NLGN4Y: variants seen among roughly 807,000 people sequenced by gnomAD.
The protein encoded by NLGN4Y is neuroligin 4 Y-linked.
In NLGN4Y, 4 loss-of-function variants were observed where a neutral mutation model predicts 8.4. The ratio of observed to expected loss-of-function variants is 0.48; its 90% confidence interval spans 0.23 to 1.09. The LOEUF (loss-of-function observed/expected upper bound fraction) is 1.09. Ranked by LOEUF, NLGN4Y falls within the 50% of genes least tolerant of loss-of-function variation. The pLI, the probability that NLGN4Y is intolerant of heterozygous loss-of-function variation, is 0.19. For missense variants in NLGN4Y, 90 were observed against 192.3 expected, an observed-to-expected ratio of 0.47 and a Z score of 3.15; for synonymous variants, 35 against 75.6, an observed-to-expected ratio of 0.46 and a Z score of 2.78.
chrY:14,748,262 C>G, intron 4 of NLGN4Y, among the ~76,000 whole-genome samples: 1 of 33,056 alleles, frequency 3.0e-5, no homozygotes, highest in Admixed American at 2.8e-4. Context: ...CCCCTTGCCT[C>G]CTTCATTAAA....
chrY:14,633,981 A>G, intron 2 of NLGN4Y, among the ~76,000 whole-genome samples: 1 of 33,620 alleles, frequency 3.0e-5, no homozygotes, highest in Non-Finnish European at 7.3e-5. Flanking sequence ...ATGTTTAAGC[A>G]TCTCTTTCCT....
chrY:14,814,474 G>A, intron 4 of NLGN4Y, among the ~76,000 whole-genome samples: 1 of 32,935 alleles, frequency 3.0e-5, no homozygotes, highest in African/African-American at 1.2e-4. Context: ...ATTTGACAAG[G>A]AGATTAAAAA....
intron 1 of NLGN4Y, among the ~76,000 whole-genome samples, chrY:14,598,108 C>A (rs1603500972): frequency 2.8e-5 from 1 of 35,120 alleles, no homozygotes; most frequent in African/African-American, 1.1e-4. Context: ...CACGTCCCCA[C>A]CAGACTCAGG....
chrY:14,637,957 T>C (rs2080573341), intron 2 of NLGN4Y, among the ~76,000 whole-genome samples: 1 of 31,186 alleles, frequency 3.2e-5, no homozygotes, highest in African/African-American at 1.3e-4. Context: ...ATGTATCTAC[T>C]GGCTATAGCA....
chrY:14,663,325 G>T (rs945822477), intron 2 of NLGN4Y, among the ~76,000 whole-genome samples: 1 of 32,990 alleles, frequency 3.0e-5, no homozygotes, highest in Admixed American at 2.8e-4. Flanking sequence ...GAACAGAATT[G>T]CAACAAACAT....
chrY:14,542,144 G>A, intron 1 of NLGN4Y, among the ~76,000 whole-genome samples: 1 of 33,454 alleles, frequency 3.0e-5, no homozygotes, highest in Non-Finnish European at 7.4e-5. Flanking sequence ...TAAAAAAGCA[G>A]GGGTTGCAAT....
intron 4 of NLGN4Y, among the ~76,000 whole-genome samples, chrY:14,752,103 C>A: frequency 6.1e-5 from 2 of 32,947 alleles, no homozygotes; most frequent in African/African-American, 1.2e-4. Flanking sequence ...ATGATTTTAT[C>A]TTTGATATTG....
intron 1 of NLGN4Y, among the ~76,000 whole-genome samples, chrY:14,562,454 C>A (rs929412872): frequency 1.8e-4 from 6 of 33,089 alleles, no homozygotes; most frequent in Non-Finnish European, 4.5e-4. Flanking sequence ...TTTACTGTAG[C>A]CTTGTAGTAT....
intron 4 of NLGN4Y, among the ~76,000 whole-genome samples, chrY:14,727,149 ATACT>A (rs2080957724): frequency 2.9e-5 from 1 of 34,111 alleles, no homozygotes; most frequent in Non-Finnish European, 7.3e-5. Flanking sequence ...TATAATTCAA[ATACT>A]TAATGCAGAA....
chrY:14,653,264 G>GTGTA (rs2080636344), intron 2 of NLGN4Y, among the ~76,000 whole-genome samples: 1 of 31,305 alleles, frequency 3.2e-5, no homozygotes, highest in African/African-American at 1.3e-4. Flanking sequence ...GTGTGTGTGT[G>GTGTA]TATATATATA....
chrY:14,577,017 A>C (rs370829179), intron 1 of NLGN4Y, among the ~76,000 whole-genome samples: 89 of 33,560 alleles, frequency 2.7e-3, no homozygotes, highest in African/African-American at 0.01. Context: ...CATAAACTGA[A>C]CTGGCCAAGA....
intron 4 of NLGN4Y, among the ~76,000 whole-genome samples, chrY:14,739,824 G>T: frequency 3.2e-5 from 1 of 31,718 alleles, no homozygotes; most frequent in African/African-American, 1.2e-4. Context: ...AGCTGCAAGG[G>T]ACAGGAAAAC....
intron 4 of NLGN4Y, among the ~76,000 whole-genome samples, chrY:14,727,566 C>G: frequency 3.0e-5 from 1 of 33,489 alleles, no homozygotes; most frequent in Non-Finnish European, 7.4e-5. Flanking sequence ...TCATGGTTAG[C>G]AATATATCCC....
Position 14,841,846 on chromosome Y carries a change from A to G in NLGN4Y, c.*584A>G. 8.3e-6 allele frequency: 1 copy of G among 119,834 alleles called. No individual in the cohort carries two copies. Among genetic ancestry groups the G allele is most frequent in the Non-Finnish European group, 1.8e-5 (1 of 55,868 alleles). The allele number at this position is 119,834 out of a possible 400,897, so 29.9% of individuals were successfully genotyped here. ...GAGGTATTCTGCCAGCCTGAACTAT[A>G]TTTAAGAAACTTTGTAAAAAATAAA... On this transcript the variant is annotated 3_prime_UTR_variant, in exon 7 of 7. Coordinates refer to ENST00000684976, the MANE Select transcript of NLGN4Y (RefSeq NM_001365588.1).
intron 1 of NLGN4Y, among the ~76,000 whole-genome samples, chrY:14,583,972 G>A (rs2080328790): frequency 3.0e-5 from 1 of 32,835 alleles, no homozygotes; most frequent in Non-Finnish European, 7.4e-5. Context: ...ACTTGTGAGC[G>A]CAGATGTGGC....
rs926570840 is a variant in NLGN4Y at position 14,623,843 on chromosome Y, T to C, written c.472+1252T>C. Among the ~76,000 whole-genome samples, 3 of 33,231 alleles carry C rather than the reference T, an allele frequency of 9.0e-5. No individual in the cohort carries two copies. In the East Asian group the frequency reaches 2.4e-3, roughly 26 times the overall value. 89.2% of individuals were successfully genotyped at this position (33,231 alleles called of 37,273 possible). A position where few individuals can be genotyped will look rare whatever the true frequency, so the allele number is the denominator to read the frequency against. On this transcript the variant is annotated intron_variant, in intron 2 of 6. Coordinates refer to ENST00000684976, the MANE Select transcript of NLGN4Y (RefSeq NM_001365588.1). Reference sequence around the variant, plus strand: ...CAAGGAACAGTTCAGAGTAAAAAAGTAAAGGACCCTGCTTCATCATATTAG... The same window carrying C: ...CAAGGAACAGTTCAGAGTAAAAAAGCAAAGGACCCTGCTTCATCATATTAG...
At chrY:14,565,710 C>T (rs2080249278) in intron 1 of NLGN4Y, among the ~76,000 whole-genome samples, 1 of 32,879 alleles carries the variant, frequency 3.0e-5, no homozygotes, top group Non-Finnish European at 7.4e-5. Context: ...CCCCAAGACA[C>T]ATTGTCATCA....
intron 2 of NLGN4Y, among the ~76,000 whole-genome samples, chrY:14,648,042 G>A: frequency 2.9e-5 from 1 of 34,423 alleles, no homozygotes; most frequent in Admixed American, 2.6e-4. Flanking sequence ...GCAGGAAAGT[G>A]GGCTTGCAAT....
intron 2 of NLGN4Y, among the ~76,000 whole-genome samples, chrY:14,719,174 G>T (rs2080925326): frequency 3.1e-5 from 1 of 32,348 alleles, no homozygotes; most frequent in Admixed American, 2.8e-4. Context: ...GCATTTTTTT[G>T]CAGTAGCATC....
Sources: allele counts gnomAD v4.1 joint callset (sites outside exome capture counted in the v4.1 genomes callset), GRCh38; gene constraint gnomAD v4.1.1; transcripts MANE v1.5; gene names NCBI Gene and HGNC (gene_info 2026-07-23, HGNC 2026-07-21).